PTK2B: variants seen among roughly 807,000 people sequenced by gnomAD.
PTK2B encodes protein tyrosine kinase 2 beta, also known as protein-tyrosine kinase 2-beta.
In PTK2B, 71 loss-of-function variants were observed where a neutral mutation model predicts 142.9. That is an observed-to-expected ratio of 0.50 (90% confidence interval 0.41 to 0.61). The LOEUF (loss-of-function observed/expected upper bound fraction) is 0.61. PTK2B is among the 20% of genes least tolerant of loss of function. The pLI is 0.00. For synonymous variants in PTK2B, 519 were observed against 503.4 expected, an observed-to-expected ratio of 1.03 and a Z score of -0.42; for missense variants, 1,105 against 1,320.4, an observed-to-expected ratio of 0.84 and a Z score of 2.53.
chr8:27,450,548 C>T (rs1432521472), intron 24 of PTK2B, among the ~76,000 whole-genome samples: 3 of 152,158 alleles, frequency 2.0e-5, no homozygotes, highest in East Asian at 1.9e-4. Flanking sequence ...TATCACATTG[C>T]AACGCAGATA....
chr8:27,415,869 A>G (rs1291673048), intron 2 of PTK2B, among the ~76,000 whole-genome samples: 1 of 152,192 alleles, frequency 6.6e-6, no homozygotes, highest in Non-Finnish European at 1.5e-5. Context: ...AACATTACTA[A>G]AAGAAAATAA....
chr8:27,330,206 A>G (rs748371941), intron 1 of PTK2B, among the ~76,000 whole-genome samples: 1 of 152,236 alleles, frequency 6.6e-6, no homozygotes, highest in Non-Finnish European at 1.5e-5. Flanking sequence ...TCGAAGTACA[A>G]TAAAACATTC....
chr8:27,455,383 G>A (rs933496413), intron 30 of PTK2B, among the ~76,000 whole-genome samples: 1 of 152,124 alleles, frequency 6.6e-6, no homozygotes, highest in Non-Finnish European at 1.5e-5. Flanking sequence ...GGTCAACATG[G>A]CAAAACCATA....
intron 1 of PTK2B, among the ~76,000 whole-genome samples, chr8:27,328,905 A>G (rs969138373): frequency 2.0e-5 from 3 of 151,766 alleles, no homozygotes; most frequent in Non-Finnish European, 2.9e-5. Context: ...TGTCCAACTT[A>G]GAGAAGATCT....
At chr8:27,349,230 C>T (rs1156300158) in intron 1 of PTK2B, among the ~76,000 whole-genome samples, 1 of 152,176 alleles carries the variant, frequency 6.6e-6, no homozygotes, top group Non-Finnish European at 1.5e-5. Flanking sequence ...ATTTCCAATC[C>T]CAGATCCCTT....
chr8:27,388,298 G>A (rs1215878346), intron 1 of PTK2B, among the ~76,000 whole-genome samples: 1 of 152,216 alleles, frequency 6.6e-6, no homozygotes, highest in Non-Finnish European at 1.5e-5. Flanking sequence ...GAGAGGGAAG[G>A]AAAAAGCTGA....
intron 1 of PTK2B, among the ~76,000 whole-genome samples, chr8:27,352,349 A>G (rs1024675559): frequency 6.6e-6 from 1 of 152,208 alleles, no homozygotes; most frequent in Non-Finnish European, 1.5e-5. Context: ...AGGCCAAGGA[A>G]AGGCCAACAT....
At chr8:27,384,405 C>G (rs1201797284) in intron 1 of PTK2B, among the ~76,000 whole-genome samples, 6 of 152,194 alleles carry the variant, frequency 3.9e-5, no homozygotes. Flanking sequence ...TTTATCAACT[C>G]TAAACAATTT....
At position 27,454,639 on chromosome 8, in the gene PTK2B, T is replaced by C. The variant is rs759010354; in HGVS notation, c.2814+28T>C. On this transcript the variant is annotated intron_variant, in intron 30 of 30. Transcript: ENST00000346049. ...GAGCGTCCCATTCCAGACAGCACCA[T>C]AGGCTGTTGCTTTGCTCCTGCTTAT... 6 of 1,605,076 alleles carry C rather than the reference T, an allele frequency of 3.7e-6. No homozygotes were observed. In the East Asian group the frequency reaches 1.3e-4, roughly 36 times the overall value.
At chr8:27,350,248 C>T (rs544029031) in intron 1 of PTK2B, among the ~76,000 whole-genome samples, 16 of 152,190 alleles carry the variant, frequency 1.1e-4, no homozygotes, top group African/African-American at 3.6e-4. Context: ...TTTAAAAAGG[C>T]GTAACGTAAG....
At chr8:27,384,897 C>T (rs545859290) in intron 1 of PTK2B, among the ~76,000 whole-genome samples, 13 of 152,276 alleles carry the variant, frequency 8.5e-5, no homozygotes, top group African/African-American at 2.9e-4. Flanking sequence ...ACCATTAGAA[C>T]CCAGAGCCCC....
At chr8:27,311,191 G>C (rs777843116), upstream of PTK2B, 2 of 1,598,220 alleles carry the variant, frequency 1.3e-6, no homozygotes, top group African/African-American at 2.7e-5. Flanking sequence ...ACTCCTCCTT[G>C]AAGGAGCGGG....
intron 7 of PTK2B, 31 bp downstream of exon 7, chr8:27,430,449 G>A (rs764842293): frequency 2.5e-6 from 4 of 1,612,370 alleles, no homozygotes; most frequent in Admixed American, 1.7e-5. Context: ...GGACCTCTTC[G>A]TGCTGATTCC....
chr8:27,430,984 A>G lies in PTK2B; in HGVS notation c.778A>G (p.Ile260Val), dbSNP rs201457448. Residue 260 changes from isoleucine (I) to valine (V), a missense_variant, in exon 8 of 31, where the codon ATC (isoleucine) becomes GTC (valine). Coordinates refer to ENST00000346049, the MANE Select transcript of PTK2B (RefSeq NM_173176.3). ...FFNTLAGFANIDQETYRCELI... is the reference protein window; with the variant it reads ...FFNTLAGFANVDQETYRCELI... ...CAACACTCTCGCCGGCTTCGCCAAC[A>G]TCGACCAGGAGACCTACCGCTGTGA... is the stretch of plus-strand genomic sequence containing the variant. 293 of 1,614,120 alleles carry G rather than the reference A, an allele frequency of 1.8e-4. 1 individual carries two copies. In the East Asian group the frequency reaches 5.5e-3, roughly 30 times the overall value.
chr8:27,457,995 AAAAG>A (rs1319705976), intron 30 of PTK2B, among the ~76,000 whole-genome samples: 36 of 136,906 alleles, frequency 2.6e-4, no homozygotes, highest in African/African-American at 7.2e-4. Flanking sequence ...AAAAAAAAAA[AAAAG>A]ATCAGATTCG....
chr8:27,444,166 G>T, intron 22 of PTK2B, 40 bp from the exon 23 acceptor site: 1 of 1,570,382 alleles, frequency 6.4e-7, no homozygotes, highest in Non-Finnish European at 8.8e-7. Flanking sequence ...TTCACTCAAG[G>T]AGAGGGACAG....
At chr8:27,419,014 C>T (rs544998463) in intron 2 of PTK2B, among the ~76,000 whole-genome samples, 2 of 147,954 alleles carry the variant, frequency 1.4e-5, no homozygotes, top group South Asian at 4.3e-4. Flanking sequence ...GGTGACAGAG[C>T]GAGACTCCAT....
intron 24 of PTK2B, among the ~76,000 whole-genome samples, chr8:27,448,925 G>A (rs755188111): frequency 3.3e-5 from 5 of 152,090 alleles, no homozygotes; most frequent in African/African-American, 4.8e-5. Flanking sequence ...CTTATATGCT[G>A]GAATTTGTTT....
At chr8:27,323,106 A>C (rs1421376962), upstream of PTK2B, among the ~76,000 whole-genome samples, 1 of 152,272 alleles carries the variant, frequency 6.6e-6, no homozygotes, top group East Asian at 1.9e-4. Flanking sequence ...ATAAGAAAAG[A>C]GAACCTGAAC....
Sources: allele counts gnomAD v4.1 joint callset (sites outside exome capture counted in the v4.1 genomes callset), GRCh38; gene constraint gnomAD v4.1.1; transcripts MANE v1.5; gene names NCBI Gene and HGNC (gene_info 2026-07-23, HGNC 2026-07-21).